Variants in SDK2 observed in about 807,000 individuals in gnomAD.
The protein encoded by SDK2 is protein sidekick-2.
A neutral mutation model predicts 253.9 loss-of-function variants in SDK2; 105 were observed. That is an observed-to-expected ratio of 0.41 (90% confidence interval 0.35 to 0.49). The LOEUF (loss-of-function observed/expected upper bound fraction) is 0.49, where lower values mean the gene tolerates loss of function less well. Among genes scored for constraint, SDK2 ranks in the 20% least tolerant of loss-of-function variants. The pLI is 0.06. For synonymous variants in SDK2, 1,249 were observed against 1,234.9 expected (o/e 1.01, Z -0.24); for missense variants, 2,608 against 3,003.0 (o/e 0.87, Z 3.07).
chr17:73,425,561 G>T (rs1568398537), intron 12 of SDK2, among the ~76,000 whole-genome samples: 1 of 152,182 alleles, frequency 6.6e-6, no homozygotes, highest in Non-Finnish European at 1.5e-5. Context: ...AGGCTGGAGT[G>T]CCGTGGTGCG....
intron 16 of SDK2, 113 bp downstream of exon 16, chr17:73,419,053 C>T: frequency 8.2e-7 from 1 of 1,222,792 alleles, no homozygotes; most frequent in Non-Finnish European, 1.1e-6. Context: ...CCTAGTCCTT[C>T]CTAGATGGCG....
chr17:73,618,626 G>A lies in SDK2; in HGVS notation c.64+25399C>T, dbSNP rs1013699993. Among the ~76,000 whole-genome samples the A allele has an allele frequency of 6.6e-6, 1 of 152,172 alleles. No individual in the cohort carries two copies. Among genetic ancestry groups the A allele is most frequent in the Admixed American group, 6.5e-5 (1 of 15,274 alleles). The stretch of plus-strand genomic sequence containing the variant: ...CTTTGGAATCTAGAGTCCACGTGGT[G>A]CCCAAGAACGGCATGGGGGAGTCAG... On this transcript the variant is annotated intron_variant, in intron 1 of 44. Coordinates refer to ENST00000392650, the MANE Select transcript of SDK2 (RefSeq NM_001144952.2). This position sits in a 1 kb window ranked among gnomAD's most constrained non-coding sequence, Gnocchi z 4.1.
intron 1 of SDK2, among the ~76,000 whole-genome samples, chr17:73,558,507 C>T (rs2045179866): frequency 6.6e-6 from 1 of 152,008 alleles, no homozygotes; most frequent in African/African-American, 2.4e-5. Context: ...AATATTCAAG[C>T]ACTTTTTCAT....
chr17:73,635,774 T>C (rs1338873277), intron 1 of SDK2, among the ~76,000 whole-genome samples: 1 of 151,702 alleles, frequency 6.6e-6, no homozygotes, highest in Non-Finnish European at 1.5e-5. Context: ...TGTGGCTCAG[T>C]TACTGGCAAG....
chr17:73,418,977 C>A (rs1465418804), intron 16 of SDK2, among the ~76,000 whole-genome samples, 189 bp downstream of exon 16: 1 of 152,178 alleles, frequency 6.6e-6, no homozygotes, highest in Non-Finnish European at 1.5e-5. Flanking sequence ...AGGGGTCTTG[C>A]CACTGGAAGT....
intron 25 of SDK2, 75 bp from the exon 26 acceptor site, chr17:73,394,399 G>A: frequency 1.1e-6 from 1 of 921,968 alleles, no homozygotes; most frequent in East Asian, 3.1e-5. Context: ...GACCAGGACA[G>A]GGGGCCGAGG....
At chr17:73,399,661 G>A (rs1349462288) in intron 21 of SDK2, among the ~76,000 whole-genome samples, 1 of 152,120 alleles carries the variant, frequency 6.6e-6, no homozygotes, top group African/African-American at 2.4e-5. Context: ...GAAACCAAAC[G>A]GGACCGATCC....
At chr17:73,551,862 T>C (rs2045065023) in intron 1 of SDK2, among the ~76,000 whole-genome samples, 1 of 152,204 alleles carries the variant, frequency 6.6e-6, no homozygotes, top group African/African-American at 2.4e-5. Flanking sequence ...CCAGTCCATC[T>C]GGAGACCCAA....
rs112116111 is a variant in SDK2 at position 73,391,008 on chromosome 17, G to A, written c.3997+432C>T. On this transcript the variant is annotated intron_variant, in intron 28 of 44. Transcript: ENST00000392650. ...GCTCAAGTTCACGCAGCTGCCGACC[G>A]GAACCCTGGGTGTGTGTATTGGGGG... Among the ~76,000 whole-genome samples, 789 of 152,272 alleles carry A rather than the reference G, an allele frequency of 5.2e-3. 6 individuals are homozygous for A. The highest frequency in any genetic ancestry group is 0.018 in the African/African-American group (755 of 41,554).
chr17:73,572,875 C>T (rs906860507), intron 1 of SDK2, among the ~76,000 whole-genome samples: 2 of 152,200 alleles, frequency 1.3e-5, no homozygotes, highest in Non-Finnish European at 2.9e-5. Context: ...ATCTGAGATA[C>T]TTCCTCCCGG....
At chr17:73,446,273 A>C (rs2063452556) in intron 5 of SDK2, among the ~76,000 whole-genome samples, 1 of 152,194 alleles carries the variant, frequency 6.6e-6, no homozygotes, top group Non-Finnish European at 1.5e-5. Context: ...TCTCCTATAG[A>C]AACAGCAGCC....
Position 73,644,096 on chromosome 17 carries a change from A to G in SDK2, c.-8T>C. On this transcript the variant is annotated 5_prime_UTR_variant, in exon 1 of 45. Coordinates refer to ENST00000392650, the MANE Select transcript of SDK2 (RefSeq NM_001144952.2). The surrounding 1 kb of genome is among the most constrained non-coding windows in gnomAD (Gnocchi z 6.3). ...GATCAAAAGCCCCCACATGGTGACC[A>G]GCCTGGAGAGGGGTCCTCGGGGTCT... 2 of 1,550,560 alleles carry G rather than the reference A, an allele frequency of 1.3e-6. No homozygotes were observed. Among genetic ancestry groups the G allele is most frequent in the Non-Finnish European group, 1.7e-6 (2 of 1,146,298 alleles).
intron 1 of SDK2, among the ~76,000 whole-genome samples, chr17:73,522,324 C>A (rs2064086685): frequency 6.6e-6 from 1 of 152,256 alleles, no homozygotes; most frequent in Non-Finnish European, 1.5e-5. Flanking sequence ...TCATCCTGGC[C>A]TGGCTGCTCA....
Position 73,431,690 on chromosome 17 carries a change from G to A in SDK2, c.1313-21C>T, listed in dbSNP as rs2063327421. 3 of 1,584,272 alleles carry A rather than the reference G, an allele frequency of 1.9e-6. No homozygotes were observed. The highest frequency in any genetic ancestry group is 1.7e-6 in the Non-Finnish European group (2 of 1,164,188). ...CTCCCCTGAGGGCAAAACAGGGTGGGGGTCAGCCTGTAGCCCCCAAGGGCA... is the reference window on the plus strand; with the variant it reads ...CTCCCCTGAGGGCAAAACAGGGTGGAGGTCAGCCTGTAGCCCCCAAGGGCA... On this transcript the variant is annotated intron_variant, in intron 10 of 44. Transcript: ENST00000392650. The surrounding 1 kb of genome is among the most constrained non-coding windows in gnomAD (Gnocchi z 5.6).
chr17:73,412,298 G>T (rs568804849), intron 18 of SDK2, among the ~76,000 whole-genome samples: 30 of 148,768 alleles, frequency 2.0e-4, no homozygotes, highest in Non-Finnish European at 3.2e-4. Context: ...ATATATATGT[G>T]TGTATATATA....
chr17:73,356,780 C>T (rs1416981159), intron 40 of SDK2, among the ~76,000 whole-genome samples: 1 of 152,248 alleles, frequency 6.6e-6, no homozygotes, highest in Non-Finnish European at 1.5e-5. Flanking sequence ...TCACAGGGCC[C>T]TGGCTTGGTC....
chr17:73,556,217 G>T (rs1364842860), intron 1 of SDK2, among the ~76,000 whole-genome samples: 1 of 152,184 alleles, frequency 6.6e-6, no homozygotes, highest in African/African-American at 2.4e-5. Context: ...GGAAGCGGCA[G>T]GTTCTTTCCA....
chr17:73,430,669 G>T (rs1270577067), intron 11 of SDK2, 56 bp from the exon 12 acceptor site: 2 of 1,232,220 alleles, frequency 1.6e-6, no homozygotes, highest in East Asian at 5.7e-5. Flanking sequence ...CTGTGTGGCT[G>T]GACTCTGGGT....
At chr17:73,407,078 A>G (rs1179606744) in intron 18 of SDK2, among the ~76,000 whole-genome samples, 1 of 152,242 alleles carries the variant, frequency 6.6e-6, no homozygotes, top group East Asian at 1.9e-4. Context: ...GTGAGTATCT[A>G]TAGTATCTTA....
Sources: gnomAD v4.1 joint callset for allele counts (sites outside exome capture counted in the v4.1 genomes callset) on GRCh38, gnomAD v4.1.1 for gene constraint, Gnocchi (gnomAD v3.1) non-coding constraint, MANE v1.5 for transcripts, NCBI Gene and HGNC (gene_info 2026-07-23, HGNC 2026-07-21) for gene names.